Variants in NKAIN2 observed in about 807,000 individuals in gnomAD.
The protein encoded by NKAIN2 is sodium/potassium-transporting ATPase subunit beta-1-interacting protein 2.
NKAIN2 carries 14 observed loss-of-function variants against 32.6 expected under a neutral mutation model. The ratio of observed to expected loss-of-function variants is 0.43; its 90% CI spans 0.28 to 0.67. The LOEUF (loss-of-function observed/expected upper bound fraction) is 0.67, where lower values mean the gene tolerates loss of function less well. NKAIN2 is among the 30% of genes least tolerant of loss of function. The pLI, the probability that NKAIN2 is intolerant of heterozygous loss-of-function variation, is 0.17. For synonymous variants in NKAIN2, 80 were observed against 87.2 expected (o/e 0.92, Z 0.46); for missense variants, 198 against 258.3 (o/e 0.77, Z 1.60).
intron 1 of NKAIN2, among the ~76,000 whole-genome samples, chr6:124,014,184 A>G (rs1161522890): frequency 6.6e-6 from 1 of 152,176 alleles, no homozygotes; most frequent in Non-Finnish European, 1.5e-5. Flanking sequence ...AAGCTTTTCA[A>G]TGAATATTTA....
intron 3 of NKAIN2, among the ~76,000 whole-genome samples, chr6:124,590,419 A>G (rs641498): frequency 0.53 from 80,001 of 152,170 alleles, 22,215 homozygotes; most frequent in Non-Finnish European, 0.6. Context: ...AAAGAAATAT[A>G]CAAAATGCAG....
chr6:124,619,224 T>C (rs752098489), intron 3 of NKAIN2, among the ~76,000 whole-genome samples: 8 of 152,140 alleles, frequency 5.3e-5, no homozygotes, highest in Non-Finnish European at 1.0e-4. Context: ...TTTCCTTAGC[T>C]TTGCAAAGAT....
chr6:124,277,293 G>A (rs1173725664), intron 1 of NKAIN2, among the ~76,000 whole-genome samples: 1 of 152,162 alleles, frequency 6.6e-6, no homozygotes, highest in Non-Finnish European at 1.5e-5. Flanking sequence ...TGGCCATTCT[G>A]TAGGTTAGGC....
intron 5 of NKAIN2, among the ~76,000 whole-genome samples, chr6:124,792,365 A>G (rs993602052): frequency 6.6e-6 from 1 of 152,156 alleles, no homozygotes; most frequent in Non-Finnish European, 1.5e-5. Flanking sequence ...AATGTAGAAG[A>G]GGCACTTTTC....
intron 1 of NKAIN2, among the ~76,000 whole-genome samples, chr6:124,224,812 C>G (rs563015588): frequency 1.3e-5 from 2 of 152,144 alleles, no homozygotes; most frequent in African/African-American, 4.8e-5. Flanking sequence ...TGAAACTGTT[C>G]TGGATATTGA....
rs564421388 is a variant in NKAIN2 at position 124,345,586 on chromosome 6, T to C, written c.193-9681T>C. The stretch of plus-strand genomic sequence containing the variant: ...GGGAGAGTGTATGTGTCGAGGAATT[T>C]ATCCATTTCTTCTAGATTTTCTAGT... On this transcript the variant is annotated intron_variant, in intron 2 of 6. Transcript: ENST00000368417. Among the ~76,000 whole-genome samples the C allele has an allele frequency of 1.3e-4, 20 of 152,042 alleles. No homozygotes were observed. In the East Asian group the frequency reaches 2.3e-3, roughly 18 times the overall value.
At chr6:124,325,310 T>C (rs1185388395) in intron 2 of NKAIN2, among the ~76,000 whole-genome samples, 1 of 152,046 alleles carries the variant, frequency 6.6e-6, no homozygotes, top group Non-Finnish European at 1.5e-5. Flanking sequence ...AGTGGGGATG[T>C]AAAATGGTTC....
At chr6:123,883,411 C>A (rs563514870) in intron 1 of NKAIN2, among the ~76,000 whole-genome samples, 3 of 152,128 alleles carry the variant, frequency 2.0e-5, no homozygotes, top group African/African-American at 7.2e-5. Context: ...TCCCAAAGTG[C>A]TGGGATTACA....
intron 4 of NKAIN2, among the ~76,000 whole-genome samples, chr6:124,670,830 A>G (rs1773065549): frequency 6.6e-6 from 1 of 152,040 alleles, no homozygotes; most frequent in South Asian, 2.1e-4. Flanking sequence ...TAGTCTGCCC[A>G]TCAGCTTTGC....
intron 1 of NKAIN2, among the ~76,000 whole-genome samples, chr6:124,199,373 G>A (rs1253725230): frequency 1.3e-5 from 2 of 152,150 alleles, no homozygotes; most frequent in African/African-American, 4.8e-5. Context: ...CTTGCCCTCT[G>A]CAGTAGATTT....
chr6:124,192,810 C>T (rs1209609778), intron 1 of NKAIN2, among the ~76,000 whole-genome samples: 2 of 131,824 alleles, frequency 1.5e-5, no homozygotes, highest in Non-Finnish European at 3.1e-5. Context: ...AGTGCAGTGG[C>T]ACGATCTCGG....
chr6:124,100,442 T>G (rs1174346551), intron 1 of NKAIN2, among the ~76,000 whole-genome samples: 1 of 152,254 alleles, frequency 6.6e-6, no homozygotes, highest in Non-Finnish European at 1.5e-5. Flanking sequence ...TAACATTTAT[T>G]TAATGCTTAG....
chr6:123,881,890 T>C (rs1313542446), intron 1 of NKAIN2, among the ~76,000 whole-genome samples: 1 of 152,198 alleles, frequency 6.6e-6, no homozygotes, highest in Non-Finnish European at 1.5e-5. Flanking sequence ...TCTGTAGATC[T>C]TTAACATGGT....
chr6:124,765,990 G>A (rs1277938732), intron 4 of NKAIN2, among the ~76,000 whole-genome samples: 1 of 152,160 alleles, frequency 6.6e-6, no homozygotes, highest in African/African-American at 2.4e-5. Flanking sequence ...TTAAATTTTT[G>A]TAAGCTATCT....
chr6:124,763,298 G>A (rs1778358527), intron 4 of NKAIN2, among the ~76,000 whole-genome samples: 1 of 152,206 alleles, frequency 6.6e-6, no homozygotes, highest in Non-Finnish European at 1.5e-5. Context: ...TATTTACAAA[G>A]AAAAGAGGTT....
intron 3 of NKAIN2, among the ~76,000 whole-genome samples, chr6:124,382,855 GAGA>G (rs1272366874): frequency 1.3e-5 from 2 of 152,158 alleles, no homozygotes; most frequent in Non-Finnish European, 2.9e-5. Context: ...GTGAGAGAAA[GAGA>G]AGGAGAAACA....
intron 2 of NKAIN2, among the ~76,000 whole-genome samples, chr6:124,322,584 T>G (rs565103703): frequency 1.3e-5 from 2 of 152,310 alleles, no homozygotes; most frequent in African/African-American, 4.8e-5. Context: ...AATTTATTCT[T>G]CATATCTATA....
intron 1 of NKAIN2, among the ~76,000 whole-genome samples, chr6:124,149,343 A>G (rs976024730): frequency 7.9e-5 from 12 of 152,330 alleles, no homozygotes; most frequent in Middle Eastern, 3.4e-3. Context: ...TGCTGTAATT[A>G]AGAAACCATT....
intron 1 of NKAIN2, among the ~76,000 whole-genome samples, chr6:124,221,332 C>T (rs1791805243): frequency 6.7e-6 from 1 of 148,420 alleles, no homozygotes; most frequent in Admixed American, 6.9e-5. Context: ...CACATATTCT[C>T]ACTCATAGGT....
Sources: gnomAD v4.1 joint callset for allele counts (sites outside exome capture counted in the v4.1 genomes callset) on GRCh38, gnomAD v4.1.1 for gene constraint, MANE v1.5 for transcripts, NCBI Gene and HGNC (gene_info 2026-07-23, HGNC 2026-07-21) for gene names.